The following DNAI4 variants were observed in gnomAD, a reference collection of about 807,000 sequenced individuals.
The protein encoded by DNAI4 is dynein axonemal intermediate chain 4.
A neutral mutation model predicts 105.8 loss-of-function variants in DNAI4; 85 were observed. The observed-to-expected ratio is 0.80, with a 90% CI of 0.67 to 0.96. The LOEUF is 0.96. Ranked by LOEUF, DNAI4 falls within the 40% of genes least tolerant of loss-of-function variation. The probability of loss-of-function intolerance (pLI) is 0.00; values close to 1 mark genes in which losing one functional copy is unlikely to be tolerated. For missense variants in DNAI4, 1,014 were observed against 1,005.6 expected (o/e 1.01, Z -0.11); for synonymous variants, 352 against 331.5 (o/e 1.06, Z -0.67).
chr1:66,844,622 G>A (rs520817), intron 8 of DNAI4, among the ~76,000 whole-genome samples: 151,184 of 152,280 alleles, frequency 0.99, 75,055 homozygotes, highest in Middle Eastern at 1. Flanking sequence ...TAAACATAAA[G>A]GCTAAAACTA....
chr1:66,828,786 A>G (rs893884992), intron 13 of DNAI4, among the ~76,000 whole-genome samples: 1 of 152,128 alleles, frequency 6.6e-6, no homozygotes, highest in African/African-American at 2.4e-5. Flanking sequence ...TTGTGCTTTA[A>G]GAAATCTTTC....
chr1:66,864,897 G>C (rs1415114349), intron 6 of DNAI4, among the ~76,000 whole-genome samples: 1 of 152,214 alleles, frequency 6.6e-6, no homozygotes, highest in African/African-American at 2.4e-5. Flanking sequence ...ACTTCTGTTA[G>C]AGGTGGCTAG....
At chr1:66,900,985 A>C (rs1118393) in intron 2 of DNAI4, among the ~76,000 whole-genome samples, 1 of 152,086 alleles carries the variant, frequency 6.6e-6, no homozygotes, top group Admixed American at 6.5e-5. Context: ...GATTAAGTGC[A>C]ATTAAGTATA....
intron 7 of DNAI4, among the ~76,000 whole-genome samples, chr1:66,851,084 C>T (rs1468916308): frequency 1.3e-5 from 2 of 151,834 alleles, no homozygotes; most frequent in South Asian, 2.1e-4. Flanking sequence ...ATGACTCAAA[C>T]ATATGATGTC....
chr1:66,845,239 A>T (rs1646252686), intron 8 of DNAI4, among the ~76,000 whole-genome samples: 1 of 149,328 alleles, frequency 6.7e-6, no homozygotes, highest in South Asian at 2.1e-4. Flanking sequence ...AAAAAAGGCA[A>T]CTCAATTTTA....
Position 66,835,588 on chromosome 1 carries a change from G to A in DNAI4, c.1733+38C>T. The A allele has an allele frequency of 1.9e-6, 3 of 1,590,204 alleles. 1 individual carries two copies. Among genetic ancestry groups the A allele is most frequent in the South Asian group, 2.3e-5 (2 of 88,754 alleles). On this transcript the variant is annotated intron_variant, in intron 11 of 16. Transcript: ENST00000371026. ...CATTAGAGTAAATCCTCCTGAAAAA[G>A]CATGTATTATACATTTATCTAATTC... is the stretch of plus-strand genomic sequence containing the variant.
At chr1:66,874,160 A>T (rs1263105849) in intron 5 of DNAI4, among the ~76,000 whole-genome samples, 3 of 151,962 alleles carry the variant, frequency 2.0e-5, no homozygotes, top group African/African-American at 7.2e-5. Flanking sequence ...AGGGATAAAG[A>T]GGGATAGTAC....
intron 6 of DNAI4, among the ~76,000 whole-genome samples, chr1:66,868,282 C>T (rs1646773241): frequency 6.6e-6 from 1 of 152,110 alleles, no homozygotes. Flanking sequence ...TACAAAATAT[C>T]CTCATATTTT....
chr1:66,836,244 AAGAG>A (rs1220960663), intron 10 of DNAI4, among the ~76,000 whole-genome samples: 195 of 127,040 alleles, frequency 1.5e-3, no homozygotes, highest in African/African-American at 4.5e-3. Flanking sequence ...GAAAGAAAGA[AAGAG>A]AGAGAGAGAA....
chr1:66,862,217 C>T lies in DNAI4; in HGVS notation c.1026G>A (p.Glu342=), dbSNP rs750579614. 18 of 1,608,964 alleles carry T rather than the reference C, an allele frequency of 1.1e-5. No homozygotes were observed. The highest frequency in any genetic ancestry group is 1.6e-4 in the Middle Eastern group (1 of 6,076). The change falls in exon 7 of 17, where the codon GAG becomes GAA. Residue 342 remains glutamate, a synonymous_variant. Coordinates refer to ENST00000371026, the MANE Select transcript of DNAI4 (RefSeq NM_024763.5). ...VSLSVKQSVV[E]SSSKANVLPK... ...GAAGTACATTTGCTTTACTACTTGA[C>T]TCAACCACAGATTGTTTTACTGATA...
chr1:66,876,648 C>G (rs918960481), intron 4 of DNAI4, among the ~76,000 whole-genome samples: 1 of 152,126 alleles, frequency 6.6e-6, no homozygotes, highest in African/African-American at 2.4e-5. Context: ...AAACTACCCC[C>G]AAACCACACT....
At chr1:66,914,002 A>C (rs1569887530) in intron 1 of DNAI4, among the ~76,000 whole-genome samples, 1 of 151,186 alleles carries the variant, frequency 6.6e-6, no homozygotes, top group East Asian at 2.0e-4. Context: ...AAAAAAAAGA[A>C]GGTGGAAACG....
intron 7 of DNAI4, among the ~76,000 whole-genome samples, chr1:66,858,498 A>T (rs1004606766): frequency 4.3e-5 from 6 of 141,094 alleles, no homozygotes; most frequent in African/African-American, 2.7e-5. Flanking sequence ...AGGCCACAGC[A>T]TTCCAGCCTG....
intron 13 of DNAI4, chr1:66,828,323 T>A (rs1049207630): frequency 1.3e-5 from 2 of 152,202 alleles, no homozygotes; most frequent in African/African-American, 4.8e-5. Flanking sequence ...CTACATGATA[T>A]TGAAAAAAGA....
chr1:66,888,511 G>T (rs1647331648), intron 4 of DNAI4, among the ~76,000 whole-genome samples: 2 of 152,110 alleles, frequency 1.3e-5, no homozygotes, highest in African/African-American at 4.8e-5. Flanking sequence ...TGTGCAACAT[G>T]GTGAAACCCC....
chr1:66,904,985 T>C (rs903355598), intron 2 of DNAI4: 8 of 414,108 alleles, frequency 1.9e-5, no homozygotes, highest in Non-Finnish European at 3.0e-5. Flanking sequence ...TAGACTTTTC[T>C]CATTCCACTC....
chr1:66,854,963 C>A (rs138968965), intron 7 of DNAI4, among the ~76,000 whole-genome samples: 131 of 152,248 alleles, frequency 8.6e-4, no homozygotes, highest in African/African-American at 2.3e-3. Flanking sequence ...TATCCTAGGG[C>A]CTTGCTAACC....
At chr1:66,897,564 G>A (rs1648434468) in intron 2 of DNAI4, among the ~76,000 whole-genome samples, 1 of 152,126 alleles carries the variant, frequency 6.6e-6, no homozygotes, top group Non-Finnish European at 1.5e-5. Context: ...CAGAGATCTA[G>A]GAGGGCAGAA....
At chr1:66,873,068 T>A (rs1180403710) in intron 5 of DNAI4, among the ~76,000 whole-genome samples, 3 of 152,072 alleles carry the variant, frequency 2.0e-5, no homozygotes, top group Non-Finnish European at 4.4e-5. Context: ...TGTTTAAACA[T>A]TTCACACATA....
Sources: gnomAD v4.1 joint callset for allele counts (sites outside exome capture counted in the v4.1 genomes callset) on GRCh38, gnomAD v4.1.1 for gene constraint, MANE v1.5 for transcripts, NCBI Gene and HGNC (gene_info 2026-07-23, HGNC 2026-07-21) for gene names.